The following EP300 variants were observed in gnomAD, a reference collection of about 807,000 sequenced individuals.
EP300 encodes histone acetyltransferase p300.
A neutral mutation model predicts 264.0 loss-of-function variants in EP300; 31 were observed. The ratio of observed to expected loss-of-function variants is 0.12; its 90% confidence interval spans 0.09 to 0.16. The LOEUF (loss-of-function observed/expected upper bound fraction) is 0.16. Ranked by LOEUF, EP300 falls within the 10% of genes least tolerant of loss-of-function variation. EP300 has a pLI of 1.00. For missense variants in EP300, 2,766 were observed against 3,052.9 expected (o/e 0.91, Z 2.21); for synonymous variants, 1,340 against 1,045.4 (o/e 1.28, Z -5.44).
intron 23 of EP300, among the ~76,000 whole-genome samples, chr22:41,167,073 C>A (rs943487180): frequency 6.6e-6 from 1 of 152,234 alleles, no homozygotes; most frequent in Non-Finnish European, 1.5e-5. Flanking sequence ...TCTCAGCTCA[C>A]TGCAACCTCC....
At position 41,116,631 on chromosome 22, in the gene EP300, C is replaced by CA. The variant is rs2058823038; in HGVS notation, c.95-554dup. ...TCATTGATGGGGGGTGTTGTACTTTCAATCCCTTTTTTCCTTGGTCTTATT... is the reference window on the plus strand; with the variant it reads ...TCATTGATGGGGGGTGTTGTACTTTCAAATCCCTTTTTTCCTTGGTCTTATT... On this transcript the variant is annotated intron_variant, in intron 1 of 30. Transcript: ENST00000263253. 2.0e-5 allele frequency among the ~76,000 whole-genome samples: 3 copies of CA among 152,248 alleles called. No individual in the cohort carries two copies. The East Asian group carries it at 5.8e-4, about 29-fold the overall frequency.
At chr22:41,148,867 AGTT>A in intron 12 of EP300, 168 bp from the exon 13 acceptor site, 5 of 763,154 alleles carry the variant, frequency 6.6e-6, no homozygotes, top group Non-Finnish European at 1.1e-5. Context: ...CACAAGAGTC[AGTT>A]GTTCTACAAC....
In EP300 at chr22:41,170,559, C is replaced by G. The variant is rs2145766900; in HGVS notation, c.4440C>G (p.Val1480=). 1 of 1,613,564 alleles carries G rather than the reference C, an allele frequency of 6.2e-7. No homozygotes were observed. Among genetic ancestry groups the G allele is most frequent in the Non-Finnish European group, 8.5e-7 (1 of 1,179,840 alleles). Residue 1480 remains valine, a synonymous_variant, in exon 27 of 31, where the codon GTC becomes GTG. Coordinates refer to ENST00000263253, the MANE Select transcript of EP300 (RefSeq NM_001429.4). ...MLDKAVSERI[V]HDYKDIFKQA... is the part of the protein sequence containing the mutation. ...ACAAGGCTGTATCAGAGCGTATTGT[C>G]CATGACTACAAGGTCAGTTGGGACA...
chr22:41,158,695 A>G (rs2059091274), intron 19 of EP300, 195 bp downstream of exon 19: 1 of 574,494 alleles, frequency 1.7e-6, no homozygotes, highest in African/African-American at 1.9e-5. Flanking sequence ...GCCTTGCATC[A>G]GTTACCTGGG....
chr22:41,115,046 G>T (rs1356748235), intron 1 of EP300, among the ~76,000 whole-genome samples: 1 of 152,130 alleles, frequency 6.6e-6, no homozygotes, highest in African/African-American at 2.4e-5. Context: ...CTATCCTCTT[G>T]CCTCAGCCTC....
intron 25 of EP300, 51 bp from the exon 26 acceptor site, chr22:41,169,452 T>C (rs1240700746): frequency 8.7e-7 from 1 of 1,146,910 alleles, no homozygotes; most frequent in Admixed American, 1.7e-5. Context: ...AAAGAACTCA[T>C]TATGTGACCT....
chr22:41,156,319 G>T (rs1332050048), intron 17 of EP300, among the ~76,000 whole-genome samples: 2 of 152,122 alleles, frequency 1.3e-5, no homozygotes, highest in Non-Finnish European at 1.5e-5. Context: ...GGCCACTTTC[G>T]TTGTTTCAAG....
intron 10 of EP300, among the ~76,000 whole-genome samples, chr22:41,143,033 C>T (rs1211307276): frequency 6.6e-6 from 1 of 152,150 alleles, no homozygotes; most frequent in Non-Finnish European, 1.5e-5. Flanking sequence ...CTGATGTAAG[C>T]AGGAATAAGT....
chr22:41,126,036 A>C lies in EP300; in HGVS notation c.902A>C (p.Asn301Thr), dbSNP rs778066441. ...GCAGTTCCTGGTGGAGGAATGCCCA[A>C]CATGGTGAGTACTAATCCATTACAG... ...KKAVPGGGMP[N>T]MGQQPAPQVQ... The change falls in exon 3 of 31, where the codon AAC (asparagine) becomes ACC (threonine). Residue 301 changes from asparagine (N) to threonine (T), a missense_variant. Transcript: ENST00000263253. The C allele has an allele frequency of 1.2e-6, 2 of 1,614,114 alleles. No homozygotes were observed. Among genetic ancestry groups the C allele is most frequent in the African/African-American group, 1.3e-5 (1 of 75,050 alleles).
At chr22:41,100,948 T>A (rs1355613208) in intron 1 of EP300, among the ~76,000 whole-genome samples, 1 of 152,176 alleles carries the variant, frequency 6.6e-6, no homozygotes, top group Non-Finnish European at 1.5e-5. Context: ...TCATGTAAGA[T>A]GTCTTGTATA....
chr22:41,153,978 C>T (rs940758278), intron 16 of EP300, among the ~76,000 whole-genome samples: 4 of 152,022 alleles, frequency 2.6e-5, no homozygotes, highest in African/African-American at 9.7e-5. Context: ...AAATTGAAAG[C>T]TTTTTAAATC....
chr22:41,176,599 A>G (rs2059201939), intron 30 of EP300, 71 bp downstream of exon 30: 1 of 1,609,260 alleles, frequency 6.2e-7, no homozygotes, highest in Admixed American at 1.7e-5. Flanking sequence ...GCAGCCACGT[A>G]TTTTATAGAG....
rs1486959230 is a variant in EP300, at chr22:41,147,899, C to G, written c.2194C>G (p.Pro732Ala). The G allele has an allele frequency of 6.2e-7, 1 of 1,614,166 alleles. No homozygotes were observed. Among genetic ancestry groups the G allele is most frequent in the Non-Finnish European group, 8.5e-7 (1 of 1,180,028 alleles). Residue 732 changes from proline (P) to alanine (A), a missense_variant, in exon 12 of 31, where the codon CCT (proline) becomes GCT (alanine). Pro to Ala is a conservative substitution (Grantham distance 27). Transcript: ENST00000263253. ...QPPIVPRQTP[P>A]LQHHGQLAQP... ...CCCTATTGTACCCCGGCAAACCCCT[C>G]CTCTTCAGCACCATGGACAGTTGGC...
chr22:41,118,698 G>A (rs140745259), intron 2 of EP300, among the ~76,000 whole-genome samples: 1 of 152,110 alleles, frequency 6.6e-6, no homozygotes, highest in Non-Finnish European at 1.5e-5. Flanking sequence ...GCTCATGCCT[G>A]TAATCCCAGC....
intron 21 of EP300, among the ~76,000 whole-genome samples, chr22:41,163,550 C>T (rs1448237996): frequency 6.6e-6 from 1 of 151,738 alleles, no homozygotes; most frequent in Non-Finnish European, 1.5e-5. Flanking sequence ...AGTTCGAGAC[C>T]AGCCTGGCCA....
At chr22:41,170,272 TG>T in intron 26 of EP300, 133 bp from the exon 27 acceptor site, 1 of 776,902 alleles carries the variant, frequency 1.3e-6, no homozygotes, top group Non-Finnish European at 2.1e-6. Flanking sequence ...AATCTCATTC[TG>T]GGTTATATAT....
At chr22:41,152,440 G>A (rs2059052089) in intron 16 of EP300, 90 bp downstream of exon 16, 2 of 1,480,210 alleles carry the variant, frequency 1.4e-6, no homozygotes, top group Non-Finnish European at 1.8e-6. Context: ...GGCCTCAGAA[G>A]TTGCCATTAT....
At chr22:41,166,710 A>T in intron 23 of EP300, 44 bp downstream of exon 23, 1 of 1,330,398 alleles carries the variant, frequency 7.5e-7, no homozygotes, top group East Asian at 2.3e-5. Flanking sequence ...AACTTATCTG[A>T]AGCCTAGATA....
At chr22:41,125,112 CTTT>C (rs930135062) in intron 2 of EP300, among the ~76,000 whole-genome samples, 20 of 80,366 alleles carry the variant, frequency 2.5e-4, no homozygotes, top group African/African-American at 9.0e-4. Flanking sequence ...CTTTTCTTTC[CTTT>C]TTTTTTTTTT....
Sources: gnomAD v4.1 joint callset for allele counts (sites outside exome capture counted in the v4.1 genomes callset) on GRCh38, gnomAD v4.1.1 for gene constraint, MANE v1.5 for transcripts, NCBI Gene and HGNC (gene_info 2026-07-23, HGNC 2026-07-21) for gene names.